Variants in BMPR2 observed in about 807,000 individuals in gnomAD.
BMPR2 encodes the protein bone morphogenetic protein receptor type 2.
Under a neutral mutation model 100.8 loss-of-function variants are expected in BMPR2, and 29 were observed. The observed-to-expected ratio is 0.29, with a 90% CI of 0.21 to 0.39. The LOEUF (loss-of-function observed/expected upper bound fraction) is 0.39. Ranked by LOEUF, BMPR2 falls within the 10% of genes least tolerant of loss-of-function variation. The pLI, the probability that BMPR2 is intolerant of heterozygous loss-of-function variation, is 1.00. For missense variants in BMPR2, 1,011 were observed against 1,274.5 expected (o/e 0.79, Z 3.15); for synonymous variants, 382 against 442.3 (o/e 0.86, Z 1.71).
chr2:202,530,082 CAAGCCTTTTA>C (rs1206590109), intron 7 of BMPR2, among the ~76,000 whole-genome samples: 1 of 152,082 alleles, frequency 6.6e-6, no homozygotes, highest in Non-Finnish European at 1.5e-5. Context: ...TACTCTGTGC[CAAGCCTTTTA>C]AAGTCAGGTG....
Position 202,566,412 on chromosome 2 carries a change from T to C in BMPR2, c.*6466T>C, listed in dbSNP as rs996574168. The C allele has an allele frequency of 6.6e-6, 1 of 152,644 alleles. No individual in the cohort carries two copies. Among genetic ancestry groups the C allele is most frequent in the African/African-American group, 2.4e-5 (1 of 41,472 alleles). The allele number at this position is 152,644 out of a possible 1,614,324, so 9.5% of individuals were successfully genotyped here. ...CTTATTTGACTTTTTCACATAGATA[T>C]AATATCAGATTTCATTAATTATAAA... On this transcript the variant is annotated 3_prime_UTR_variant, in exon 13 of 13. Coordinates refer to ENST00000374580, the MANE Select transcript of BMPR2 (RefSeq NM_001204.7).
chr2:202,436,683 T>C (rs745942769), intron 1 of BMPR2, among the ~76,000 whole-genome samples: 1 of 150,472 alleles, frequency 6.6e-6, no homozygotes, highest in African/African-American at 2.5e-5. Flanking sequence ...TTATGGAAAA[T>C]TTGACTTCTA....
At chr2:202,524,292 G>A (rs565359974) in intron 7 of BMPR2, among the ~76,000 whole-genome samples, 5 of 151,764 alleles carry the variant, frequency 3.3e-5, no homozygotes, top group East Asian at 1.9e-4. Flanking sequence ...AACCCGGTAC[G>A]CGGGGCTTGC....
rs35528511 is a variant in BMPR2 at position 202,426,568 on chromosome 2, CA to C, written c.77-38219del. The stretch of plus-strand genomic sequence containing the variant: ...TGGGCGACAGAGCAAGTCTCCGTCT[CA>C]AAAAAAAAAAAAAAAAAAAAAGTAA... On this transcript the variant is annotated intron_variant, in intron 1 of 12. Coordinates refer to ENST00000374580, the MANE Select transcript of BMPR2 (RefSeq NM_001204.7). Among the ~76,000 whole-genome samples, 330 of 58,056 alleles carry C rather than the reference CA, an allele frequency of 5.7e-3. 1 individual carries two copies. Among genetic ancestry groups the C allele is most frequent in the African/African-American group, 0.02 (257 of 12,952 alleles). 38.1% of individuals were successfully genotyped at this position (58,056 alleles called of 152,430 possible). A position where few individuals can be genotyped will look rare whatever the true frequency, so the allele number is the denominator to read the frequency against.
intron 1 of BMPR2, among the ~76,000 whole-genome samples, chr2:202,405,687 CAAAAAAAAAAAA>C (rs397987374): frequency 3.2e-5 from 2 of 62,300 alleles, no homozygotes; most frequent in East Asian, 1.1e-3. Context: ...GACTCCGCCT[CAAAAAAAAAAAA>C]AAAAAAAAAA....
intron 1 of BMPR2, among the ~76,000 whole-genome samples, chr2:202,433,654 A>T (rs1691551299): frequency 1.3e-5 from 2 of 150,750 alleles, no homozygotes; most frequent in African/African-American, 5.0e-5. Flanking sequence ...TCATGCCTGT[A>T]ATCCCAGCAC....
chr2:202,534,021 G>A (rs948451400), intron 9 of BMPR2, among the ~76,000 whole-genome samples: 2 of 151,910 alleles, frequency 1.3e-5, no homozygotes, highest in East Asian at 3.9e-4. Context: ...TCTTTTAGGA[G>A]TAACACCATT....
At chr2:202,384,530 C>CTTTCTTTCTTTCTTTCTT (rs1426768146) in intron 1 of BMPR2, among the ~76,000 whole-genome samples, 6 of 107,600 alleles carry the variant, frequency 5.6e-5, no homozygotes, top group African/African-American at 2.6e-4. Flanking sequence ...TTCTTTCTTT[C>CTTTCTTTCTTTCTTTCTT]TCTTTCTTTC....
chr2:202,540,688 T>C (rs976074940), intron 9 of BMPR2, among the ~76,000 whole-genome samples: 5 of 152,200 alleles, frequency 3.3e-5, no homozygotes, highest in Non-Finnish European at 7.3e-5. Context: ...TCTGGGTCAT[T>C]ATAACTTTGT....
At chr2:202,395,262 A>G (rs914300672) in intron 1 of BMPR2, among the ~76,000 whole-genome samples, 2 of 152,150 alleles carry the variant, frequency 1.3e-5, no homozygotes, top group East Asian at 1.9e-4. Context: ...TTGCCTTTCA[A>G]CTTTTAAATT....
intron 1 of BMPR2, among the ~76,000 whole-genome samples, chr2:202,441,717 C>CA (rs33963123): frequency 0.16 from 7,120 of 43,396 alleles, 547 homozygotes; most frequent in African/African-American, 0.17. Context: ...GACTCCGTCT[C>CA]AAAAAAAAAA....
intron 3 of BMPR2, among the ~76,000 whole-genome samples, chr2:202,488,906 C>G (rs1193817793): frequency 2.6e-5 from 4 of 152,166 alleles, no homozygotes; most frequent in Non-Finnish European, 5.9e-5. Flanking sequence ...CTGCTCCCAA[C>G]CCTTGGCAAT....
chr2:202,385,397 G>A (rs1158460276), intron 1 of BMPR2, among the ~76,000 whole-genome samples: 5 of 115,168 alleles, frequency 4.3e-5, no homozygotes, highest in South Asian at 2.6e-4. Flanking sequence ...ACGGAGTCTC[G>A]CTTTGTTGCC....
intron 1 of BMPR2, among the ~76,000 whole-genome samples, chr2:202,458,583 C>T (rs750892855): frequency 1.3e-5 from 2 of 152,096 alleles, no homozygotes; most frequent in African/African-American, 4.8e-5. Flanking sequence ...TCCTCTTTAT[C>T]CTTTCTATAG....
At chr2:202,544,761 C>CTTTTTTTTTTTTTTTTTTT (rs56654364) in intron 10 of BMPR2, among the ~76,000 whole-genome samples, 1 of 82,726 alleles carries the variant, frequency 1.2e-5, no homozygotes, top group Non-Finnish European at 2.3e-5. Context: ...CTTTTTCTTT[C>CTTTTTTTTTTTTTTTTTTT]TTTTTTTTTT....
chr2:202,376,545 G>GGCGGCGGCA lies in BMPR2; in HGVS notation c.-928_-927insGGCGGCAGC, dbSNP rs1553584009. Among the ~76,000 whole-genome samples, 23 of 140,578 alleles carry GGCGGCGGCA rather than the reference G, an allele frequency of 1.6e-4. No individual in the cohort carries two copies. The highest frequency in any genetic ancestry group is 4.8e-4 in the African/African-American group (18 of 37,722). 92.2% of individuals were successfully genotyped at this position (140,578 alleles called of 152,430 possible). A position where few individuals can be genotyped will look rare whatever the true frequency, so the allele number is the denominator to read the frequency against. ...CGGCGGCGGCGGCGGCGGCGGCGGC[G>GGCGGCGGCA]GCAGCAGCAGCGGCTTCCTCGGGGG... On this transcript the variant is annotated 5_prime_UTR_variant, in exon 1 of 13. Transcript: ENST00000374580.
intron 1 of BMPR2, among the ~76,000 whole-genome samples, chr2:202,379,583 TTTGC>T (rs1367759643): frequency 6.6e-6 from 1 of 152,172 alleles, no homozygotes; most frequent in Non-Finnish European, 1.5e-5. Flanking sequence ...CATGTAAAAC[TTTGC>T]TTGGCCTAAT....
chr2:202,460,061 A>G (rs1426176173), intron 1 of BMPR2, among the ~76,000 whole-genome samples: 1 of 152,258 alleles, frequency 6.6e-6, no homozygotes, highest in Non-Finnish European at 1.5e-5. Flanking sequence ...ACAACGATAT[A>G]TCATCTCACA....
chr2:202,405,640 A>G (rs909728773), intron 1 of BMPR2, among the ~76,000 whole-genome samples: 5 of 149,184 alleles, frequency 3.4e-5, no homozygotes, highest in African/African-American at 5.0e-5. Context: ...GTGAGCCAAG[A>G]TCAAGCCATT....
Sources: allele counts gnomAD v4.1 joint callset (sites outside exome capture counted in the v4.1 genomes callset), GRCh38; gene constraint gnomAD v4.1.1; transcripts MANE v1.5; gene names NCBI Gene and HGNC (gene_info 2026-07-23, HGNC 2026-07-21).